The following CAMSAP3 variants were observed in gnomAD, a reference collection of about 807,000 sequenced individuals.
CAMSAP3 encodes calmodulin regulated spectrin associated protein family member 3, also known as calmodulin-regulated spectrin-associated protein 3.
A neutral mutation model predicts 112.5 loss-of-function variants in CAMSAP3; 34 were observed. The observed-to-expected ratio is 0.30, with a 90% confidence interval of 0.23 to 0.40. CAMSAP3 has a LOEUF of 0.40. Among genes scored for constraint, CAMSAP3 ranks in the 10% least tolerant of loss-of-function variants. CAMSAP3 has a pLI of 1.00. For missense variants in CAMSAP3, 1,602 were observed against 1,770.3 expected (o/e 0.90, Z 1.71); for synonymous variants, 868 against 799.8 (o/e 1.09, Z -1.44).
At position 7,611,534 on chromosome 19, in the gene CAMSAP3, C is replaced by G; in HGVS notation, c.1141C>G (p.Pro381Ala). ...TCCCCCAGGCTCCCTGAAGTCTTCCCCGTCCATGTCCCATATGGAGGCCCT... is the reference window on the plus strand; with the variant it reads ...TCCCCCAGGCTCCCTGAAGTCTTCCGCGTCCATGTCCCATATGGAGGCCCT... Reference protein sequence around the residue: ...RGSTGSLKSSPSMSHMEALGK... With the variant: ...RGSTGSLKSSASMSHMEALGK... The change falls in exon 10 of 17, where the codon CCG (proline) becomes GCG (alanine). Residue 381 changes from proline to alanine, a missense_variant. By Grantham distance (27) the Pro-to-Ala change is conservative. Coordinates refer to ENST00000160298, the MANE Select transcript of CAMSAP3 (RefSeq NM_020902.2). The surrounding 1 kb of genome is among the most constrained non-coding windows in gnomAD (Gnocchi z 6.9). The G allele has an allele frequency of 6.2e-7, 1 of 1,612,414 alleles. No homozygotes were observed. The highest frequency in any genetic ancestry group is 8.5e-7 in the Non-Finnish European group (1 of 1,179,670).
In CAMSAP3 at chr19:7,607,806, C is replaced by A. The variant is rs777047148; in HGVS notation, c.622-320C>A. The A allele has an allele frequency of 4.8e-6, 6 of 1,262,460 alleles. No homozygotes were observed. The highest frequency in any genetic ancestry group is 6.5e-6 in the Non-Finnish European group (6 of 922,910). The allele number at this position is 1,262,460 out of a possible 1,614,324, so 78.2% of individuals were successfully genotyped here. The stretch of plus-strand genomic sequence containing the variant: ...CACCCCTCCCCCTTGCTGATGGCTG[C>A]TCCTCTCCCCCCAGCACGCAATTGC... On this transcript the variant is annotated intron_variant, in intron 4 of 16. Transcript: ENST00000160298. This position sits in a 1 kb window ranked among gnomAD's most constrained non-coding sequence, Gnocchi z 4.9.
chr19:7,601,395 C>G (rs1480840988), intron 1 of CAMSAP3, among the ~76,000 whole-genome samples: 1 of 152,072 alleles, frequency 6.6e-6, no homozygotes, highest in Non-Finnish European at 1.5e-5. Context: ...CTCGGCTCAC[C>G]ACAGCCTCCG....
intron 1 of CAMSAP3, among the ~76,000 whole-genome samples, chr19:7,597,371 C>A (rs975609623): frequency 6.6e-6 from 1 of 152,232 alleles, no homozygotes. Context: ...ACAGCCAGGA[C>A]AGCCCCAGCT....
At chr19:7,609,986 C>T (rs1031084915) in intron 5 of CAMSAP3, among the ~76,000 whole-genome samples, 4 of 152,084 alleles carry the variant, frequency 2.6e-5, no homozygotes, top group Non-Finnish European at 2.9e-5. Flanking sequence ...GGCCACGCCC[C>T]GGGGGTTAAG....
At chr19:7,599,015 T>C (rs1355070469) in intron 1 of CAMSAP3, among the ~76,000 whole-genome samples, 2 of 151,658 alleles carry the variant, frequency 1.3e-5, no homozygotes, top group Admixed American at 6.6e-5. Context: ...GGTCATGGTA[T>C]AAATAAATGG....
At chr19:7,614,031 G>A (rs1226443408) in intron 11 of CAMSAP3, among the ~76,000 whole-genome samples, 1 of 152,148 alleles carries the variant, frequency 6.6e-6, no homozygotes. Context: ...GGAGGCCAAG[G>A]CAGGCGGATC....
At position 7,612,474 on chromosome 19, in the gene CAMSAP3, G is replaced by A; in HGVS notation, c.1981G>A (p.Val661Ile). The A allele has an allele frequency of 1.9e-6, 3 of 1,566,832 alleles. No homozygotes were observed. The highest frequency in any genetic ancestry group is 2.6e-6 in the Non-Finnish European group (3 of 1,158,584). Residue 661 changes from valine (V) to isoleucine (I), a missense_variant, in exon 11 of 17, where the codon GTC becomes ATC. Physicochemically the swap from Val to Ile is conservative, Grantham distance 29 (BLOSUM62 3). Coordinates refer to ENST00000160298, the MANE Select transcript of CAMSAP3 (RefSeq NM_020902.2). Reference protein sequence around the residue: ...AEAEEADSGPVPGGERPAGEG... With the variant: ...AEAEEADSGPIPGGERPAGEG... Reference sequence around the variant, plus strand: ...GGCGGAGGAGGCCGATTCCGGTCCAGTCCCTGGTGGGGAGCGGCCCGCAGG... The same window carrying A: ...GGCGGAGGAGGCCGATTCCGGTCCAATCCCTGGTGGGGAGCGGCCCGCAGG...
Position 7,617,031 on chromosome 19 carries a change from C to T in CAMSAP3, c.3213-295C>T, listed in dbSNP as rs1407278072. 6.8e-6 allele frequency among the ~76,000 whole-genome samples: 1 copy of T among 147,436 alleles called. No individual in the cohort carries two copies. Among genetic ancestry groups the T allele is most frequent in the Admixed American group, 6.9e-5 (1 of 14,412 alleles). On this transcript the variant is annotated intron_variant, in intron 14 of 16. Transcript: ENST00000160298. The surrounding 1 kb of genome is among the most constrained non-coding windows in gnomAD (Gnocchi z 7.5). Reference sequence around the variant, plus strand: ...TGGCGCAATCTTGGCTCACGGCAACCTCCGCCCCCTGGGTGCAAGTGATTC... The same window carrying T: ...TGGCGCAATCTTGGCTCACGGCAACTTCCGCCCCCTGGGTGCAAGTGATTC...
intron 2 of CAMSAP3, 121 bp from the exon 3 acceptor site, chr19:7,606,150 A>ACCCCCCCCCC: frequency 3.8e-6 from 1 of 265,230 alleles, no homozygotes; most frequent in Non-Finnish European, 6.6e-6. Flanking sequence ...CGCCCCCTCA[A>ACCCCCCCCCC]GCCCCACCCC....
chr19:7,611,534 C>A lies in CAMSAP3; in HGVS notation c.1141C>A (p.Pro381Thr). 6.2e-7 allele frequency: 1 copy of A among 1,612,414 alleles called. No homozygotes were observed. Among genetic ancestry groups the A allele is most frequent in the Non-Finnish European group, 8.5e-7 (1 of 1,179,670 alleles). ...TCCCCCAGGCTCCCTGAAGTCTTCC[C>A]CGTCCATGTCCCATATGGAGGCCCT... ...RGSTGSLKSS[P>T]SMSHMEALGK... Residue 381 changes from proline (P) to threonine (T), a missense_variant, in exon 10 of 17, where the codon CCG becomes ACG. This residue lies in a region of CAMSAP3 where 1,100 missense variants were observed against 1,135.7 expected (regional missense o/e 0.97). Transcript: ENST00000160298. This position sits in a 1 kb window ranked among gnomAD's most constrained non-coding sequence, Gnocchi z 6.9.
rs559676065 is a variant in CAMSAP3 at position 7,607,140 on chromosome 19, C to G, written c.621+569C>G. On this transcript the variant is annotated intron_variant, in intron 4 of 16. Transcript: ENST00000160298. The surrounding 1 kb of genome is among the most constrained non-coding windows in gnomAD (Gnocchi z 4.9). ...ACCCCCTGAACCTGTCCCCCTTAGCCGAGGTGGGGAGACCACATAAATTTC... is the reference window on the plus strand; with the variant it reads ...ACCCCCTGAACCTGTCCCCCTTAGCGGAGGTGGGGAGACCACATAAATTTC... Among the ~76,000 whole-genome samples, 225 of 152,242 alleles carry G rather than the reference C, an allele frequency of 1.5e-3. No individual in the cohort carries two copies. Among genetic ancestry groups the G allele is most frequent in the African/African-American group, 5.2e-3 (218 of 41,562 alleles).
Position 7,613,009 on chromosome 19 carries a change from C to T in CAMSAP3, c.2516C>T (p.Ala839Val). 1 of 1,564,158 alleles carries T rather than the reference C, an allele frequency of 6.4e-7. No individual in the cohort carries two copies. The highest frequency in any genetic ancestry group is 8.6e-7 in the Non-Finnish European group (1 of 1,156,554). ...GAGACGCCCCCCGAGGAGCCAGCCG[C>T]CCGGCCGGGCCTCATCGAGATCCCG... ...AEETPPEEPAARPGLIEIPLG... is the reference protein window; with the variant it reads ...AEETPPEEPAVRPGLIEIPLG... Residue 839 changes from alanine (A) to valine (V), a missense_variant, in exon 11 of 17, where the codon GCC (alanine) becomes GTC (valine). By Grantham distance (64) the Ala-to-Val change is moderately conservative (BLOSUM62 0). This residue lies in a region of CAMSAP3 where 1,100 missense variants were observed against 1,135.7 expected (regional missense o/e 0.97). Transcript: ENST00000160298.
intron 1 of CAMSAP3, among the ~76,000 whole-genome samples, chr19:7,597,772 C>T (rs2024470028): frequency 6.6e-6 from 1 of 152,158 alleles, no homozygotes; most frequent in African/African-American, 2.4e-5. Context: ...ATCCCCTGGC[C>T]AGGAATCAGA....
Position 7,608,853 on chromosome 19 carries a change from C to T in CAMSAP3, c.760+589C>T, listed in dbSNP as rs373165897. On this transcript the variant is annotated intron_variant, in intron 5 of 16. Coordinates refer to ENST00000160298, the MANE Select transcript of CAMSAP3 (RefSeq NM_020902.2). ...TTCACCGTGTTGGCCAGGCTGGTGT[C>T]GAATTCCTGACCTCAAGTGATCTGC... Among the ~76,000 whole-genome samples the T allele has an allele frequency of 5.3e-4, 81 of 151,892 alleles. No homozygotes were observed. In the East Asian group the frequency reaches 8.1e-3, roughly 15 times the overall value.
rs758057227 is a variant in CAMSAP3 at position 7,617,336 on chromosome 19, C to T, written c.3223C>T (p.Pro1075Ser). ...CTTCTCCCACTGCAGGGCTCCCTCC[C>T]CGTCAGGTCTCATGTCCCCAAGCCG... ...VKRPTSRAPS[P>S]SGLMSPSRLP... is the part of the protein sequence containing the mutation. The change falls in exon 15 of 17, where the codon CCG becomes TCG. Residue 1075 changes from proline (P) to serine (S), a missense_variant. Pro to Ser is a moderately conservative substitution (Grantham distance 74). Transcript: ENST00000160298. The surrounding 1 kb of genome is among the most constrained non-coding windows in gnomAD (Gnocchi z 7.5). 9 of 1,613,772 alleles carry T rather than the reference C, an allele frequency of 5.6e-6. No homozygotes were observed. The South Asian group carries it at 8.8e-5, about 16-fold the overall frequency.
In CAMSAP3 at chr19:7,615,804, G is replaced by T; in HGVS notation, c.3112+85G>T. 1.3e-6 allele frequency: 1 copy of T among 772,932 alleles called. No individual in the cohort carries two copies. The highest frequency in any genetic ancestry group is 1.8e-6 in the Non-Finnish European group (1 of 566,652). 47.9% of individuals were successfully genotyped at this position (772,932 alleles called of 1,614,324 possible). A position where few individuals can be genotyped will look rare whatever the true frequency, so the allele number is the denominator to read the frequency against. The stretch of plus-strand genomic sequence containing the variant: ...GCCCCCATGGGTAAGGGGGGAGGGG[G>T]AGGGAGATGTAAGCAGGGGTGCCGG... On this transcript the variant is annotated intron_variant, in intron 13 of 16. Coordinates refer to ENST00000160298, the MANE Select transcript of CAMSAP3 (RefSeq NM_020902.2). This position sits in a 1 kb window ranked among gnomAD's most constrained non-coding sequence, Gnocchi z 6.5.
At chr19:7,604,767 G>A (rs1359650559) in intron 1 of CAMSAP3, among the ~76,000 whole-genome samples, 4 of 152,162 alleles carry the variant, frequency 2.6e-5, no homozygotes, top group African/African-American at 9.7e-5. Flanking sequence ...TTCCTCCTCT[G>A]TAACATGGGG....
Position 7,610,495 on chromosome 19 carries a change from C to G in CAMSAP3, c.780C>G (p.Pro260=), listed in dbSNP as rs1271065626. Residue 260 remains proline (P), a synonymous_variant, in exon 6 of 17, where the codon CCC becomes CCG. Transcript: ENST00000160298. This position sits in a 1 kb window ranked among gnomAD's most constrained non-coding sequence, Gnocchi z 4.9. ...LRLEEVCLKD[P]MSVADSLYNL... ...CCACAGAGGTGTGCTTGAAGGACCCCATGTCTGTGGCGGACAGCCTGTACA... is the reference window on the plus strand; with the variant it reads ...CCACAGAGGTGTGCTTGAAGGACCCGATGTCTGTGGCGGACAGCCTGTACA... The G allele has an allele frequency of 7.4e-6, 12 of 1,612,946 alleles. No individual in the cohort carries two copies. The highest frequency in any genetic ancestry group is 1.0e-5 in the Non-Finnish European group (12 of 1,179,786).
At chr19:7,600,936 A>C (rs1016311431) in intron 1 of CAMSAP3, among the ~76,000 whole-genome samples, 2 of 142,850 alleles carry the variant, frequency 1.4e-5, no homozygotes, top group African/African-American at 5.2e-5. Context: ...CCATCCATCC[A>C]TCCATTCACC....
Sources: gnomAD v4.1 joint callset for allele counts (sites outside exome capture counted in the v4.1 genomes callset) on GRCh38, gnomAD v4.1.1 for gene constraint, gnomAD v4.1.1 regional missense constraint, Gnocchi (gnomAD v3.1) non-coding constraint, MANE v1.5 for transcripts, NCBI Gene and HGNC (gene_info 2026-07-23, HGNC 2026-07-21) for gene names.